ZNF385D: variants seen among roughly 807,000 people sequenced by gnomAD.
ZNF385D encodes zinc finger protein 659.
Under a neutral mutation model 35.8 loss-of-function variants are expected in ZNF385D, and 15 were observed. That is an observed-to-expected ratio of 0.42 (90% CI 0.28 to 0.64). The LOEUF is 0.64. Ranked by LOEUF, ZNF385D falls within the 30% of genes least tolerant of loss-of-function variation. ZNF385D has a pLI of 0.23. For missense variants in ZNF385D, 474 were observed against 494.6 expected, an observed-to-expected ratio of 0.96 and a Z score of 0.39; for synonymous variants, 212 against 186.8, an observed-to-expected ratio of 1.13 and a Z score of -1.10.
At chr3:22,338,921 G>C (rs113698196) in intron 2 of ZNF385D, among the ~76,000 whole-genome samples, 2,294 of 151,798 alleles carry the variant, frequency 0.015, 56 homozygotes, top group African/African-American at 0.053. Flanking sequence ...GGCTCGTCTC[G>C]AACTCCTGAC....
At chr3:22,008,024 G>T (rs188050114) in intron 3 of ZNF385D, among the ~76,000 whole-genome samples, 1 of 151,880 alleles carries the variant, frequency 6.6e-6, no homozygotes, top group East Asian at 1.9e-4. Flanking sequence ...TTTATATTTG[G>T]ATCTCTGATG....
chr3:21,677,860 C>T (rs1400983443), intron 1 of ZNF385D, among the ~76,000 whole-genome samples: 1 of 151,928 alleles, frequency 6.6e-6, no homozygotes, highest in African/African-American at 2.4e-5. Flanking sequence ...TACTCTGTAG[C>T]AGCTAATTCA....
At chr3:22,301,429 T>A (rs1045938493) in intron 2 of ZNF385D, among the ~76,000 whole-genome samples, 5 of 152,060 alleles carry the variant, frequency 3.3e-5, no homozygotes, top group Non-Finnish European at 7.4e-5. Context: ...GAATTTTAAG[T>A]CTTCTCACCA....
chr3:22,102,226 T>C (rs1701976303), intron 3 of ZNF385D, among the ~76,000 whole-genome samples: 2 of 152,136 alleles, frequency 1.3e-5, no homozygotes, highest in South Asian at 2.1e-4. Context: ...TAGTCAATGT[T>C]TTTTTGAGCA....
chr3:21,954,944 C>A (rs1702219729), intron 3 of ZNF385D, among the ~76,000 whole-genome samples: 1 of 152,102 alleles, frequency 6.6e-6, no homozygotes, highest in Non-Finnish European at 1.5e-5. Flanking sequence ...AAGCAGCCTG[C>A]AAGGCTGTCT....
At chr3:21,873,555 C>T (rs1697804602) in intron 3 of ZNF385D, among the ~76,000 whole-genome samples, 3 of 152,086 alleles carry the variant, frequency 2.0e-5, no homozygotes, top group African/African-American at 7.2e-5. Flanking sequence ...TAACTATAAG[C>T]ACTATGTTAC....
chr3:21,493,661 G>T (rs1705600413), intron 4 of ZNF385D, among the ~76,000 whole-genome samples: 1 of 151,546 alleles, frequency 6.6e-6, no homozygotes, highest in Admixed American at 6.6e-5. Context: ...GATGGGTCTG[G>T]CTATGTTGGC....
rs1448436934 is a variant in ZNF385D, at chr3:21,767,739, T to C, written c.326-102711A>G. Among the ~76,000 whole-genome samples the C allele has an allele frequency of 4.6e-5, 7 of 152,136 alleles. No homozygotes were observed. In the East Asian group the frequency reaches 1.4e-3, roughly 29 times the overall value. ...GAGAGAGAAAGAAGAGAAAGGATTA[T>C]ATATTGTGATATGAATTTATGAAAT... is the stretch of plus-strand genomic sequence containing the variant. On this transcript the variant is annotated intron_variant, in intron 3 of 5. Coordinates refer to the ZNF385D transcript ENST00000494108.
intron 3 of ZNF385D, among the ~76,000 whole-genome samples, chr3:22,157,725 G>C (rs1372090187): frequency 6.6e-6 from 1 of 152,172 alleles, no homozygotes; most frequent in African/African-American, 2.4e-5. Context: ...TTTTTCTCAA[G>C]TAAACTATTG....
chr3:21,497,565 C>A (rs990543513), intron 4 of ZNF385D, among the ~76,000 whole-genome samples: 2 of 152,070 alleles, frequency 1.3e-5, no homozygotes, highest in Non-Finnish European at 2.9e-5. Context: ...ATTCATATGG[C>A]CAGGTGCGAT....
chr3:21,705,053 T>C (rs1559535694), intron 1 of ZNF385D, among the ~76,000 whole-genome samples: 3 of 152,182 alleles, frequency 2.0e-5, no homozygotes, highest in Non-Finnish European at 4.4e-5. Flanking sequence ...TTCAAGAATG[T>C]AGGGTTCGTG....
chr3:22,151,208 G>A (rs1223443780), intron 3 of ZNF385D, among the ~76,000 whole-genome samples: 2 of 152,082 alleles, frequency 1.3e-5, no homozygotes, highest in Admixed American at 6.6e-5. Context: ...ATTGGGGCTG[G>A]GGAAGGAACA....
intron 2 of ZNF385D, among the ~76,000 whole-genome samples, chr3:22,173,309 G>A (rs370064276): frequency 5.3e-5 from 8 of 152,158 alleles, no homozygotes; most frequent in East Asian, 3.9e-4. Context: ...CAAATAAAAC[G>A]TAGAGTATCA....
chr3:21,684,435 T>G (rs2067038326), intron 1 of ZNF385D, among the ~76,000 whole-genome samples: 1 of 139,536 alleles, frequency 7.2e-6, no homozygotes, highest in South Asian at 2.4e-4. Flanking sequence ...CTCTCTCCTC[T>G]CTCTCTTTCT....
At chr3:21,896,820 CTTT>C (rs11410914) in intron 3 of ZNF385D, among the ~76,000 whole-genome samples, 3 of 146,968 alleles carry the variant, frequency 2.0e-5, no homozygotes, top group African/African-American at 7.5e-5. Flanking sequence ...GTTCTTAATA[CTTT>C]TTTTTTTTTT....
intron 3 of ZNF385D, among the ~76,000 whole-genome samples, chr3:21,928,128 A>G (rs1700826461): frequency 6.6e-6 from 1 of 152,000 alleles, no homozygotes; most frequent in African/African-American, 2.4e-5. Flanking sequence ...GGAAGCTAAG[A>G]TGAGGCCAGG....
At chr3:21,651,402 C>A (rs2065909832) in intron 2 of ZNF385D, among the ~76,000 whole-genome samples, 1 of 149,902 alleles carries the variant, frequency 6.7e-6, no homozygotes. Flanking sequence ...TTTCATTCAG[C>A]TAAAATGGAA....
At chr3:22,005,808 T>A (rs1448136458) in intron 3 of ZNF385D, among the ~76,000 whole-genome samples, 2 of 152,094 alleles carry the variant, frequency 1.3e-5, no homozygotes, top group African/African-American at 4.8e-5. Flanking sequence ...CTGAAAATCC[T>A]CATGTCTTTG....
intron 3 of ZNF385D, among the ~76,000 whole-genome samples, chr3:22,039,270 AAAAG>A (rs78227332): frequency 0.014 from 1,740 of 125,734 alleles, 39 homozygotes; most frequent in African/African-American, 0.052. Context: ...AAAAAAAAAA[AAAAG>A]AGTCTATGTA....
Sources: allele counts gnomAD v4.1 joint callset (sites outside exome capture counted in the v4.1 genomes callset), GRCh38; gene constraint gnomAD v4.1.1; transcripts MANE v1.5; gene names NCBI Gene and HGNC (gene_info 2026-07-23, HGNC 2026-07-21).